The following KIAA1217 variants were observed in gnomAD, a reference collection of about 807,000 sequenced individuals.
KIAA1217 encodes sickle tail protein homolog.
In KIAA1217, 88 loss-of-function variants were observed where a neutral mutation model predicts 163.9. That is an observed-to-expected ratio of 0.54 (90% CI 0.45 to 0.64). The LOEUF (loss-of-function observed/expected upper bound fraction) is 0.64, where lower values mean the gene tolerates loss of function less well. KIAA1217 is among the 30% of genes least tolerant of loss of function. KIAA1217 has a pLI of 0.00. For synonymous variants in KIAA1217, 903 were observed against 923.1 expected, an observed-to-expected ratio of 0.98 and a Z score of 0.39; for missense variants, 2,372 against 2,475.0, an observed-to-expected ratio of 0.96 and a Z score of 0.88.
chr10:24,404,566 CAAAAAAAAA>C (rs57209065), intron 3 of KIAA1217, among the ~76,000 whole-genome samples: 7 of 51,182 alleles, frequency 1.4e-4, no homozygotes, highest in Admixed American at 2.9e-4. Context: ...GACTCTGTCT[CAAAAAAAAA>C]AAAAAAAAAA....
chr10:24,127,552 C>A (rs575384575), intron 2 of KIAA1217, among the ~76,000 whole-genome samples: 1 of 152,248 alleles, frequency 6.6e-6, no homozygotes, highest in East Asian at 1.9e-4. Context: ...CGGTGTACAG[C>A]TTTGTAATCA....
chr10:24,305,612 T>A (rs1234276092), intron 2 of KIAA1217, among the ~76,000 whole-genome samples: 3 of 152,204 alleles, frequency 2.0e-5, no homozygotes, highest in Non-Finnish European at 4.4e-5. Context: ...ATAGTCAGCT[T>A]GAGCGGTTAG....
intron 1 of KIAA1217, among the ~76,000 whole-genome samples, chr10:23,935,427 C>G (rs768410429): frequency 1.6e-4 from 24 of 152,188 alleles, no homozygotes; most frequent in Non-Finnish European, 3.1e-4. Context: ...TGTATTTTGT[C>G]TGTACTCACT....
intron 1 of KIAA1217, among the ~76,000 whole-genome samples, chr10:23,991,618 T>A (rs1168974766): frequency 6.6e-6 from 1 of 152,192 alleles, no homozygotes; most frequent in East Asian, 1.9e-4. Context: ...TGTTCAGATA[T>A]CTACATAGAT....
At chr10:23,839,527 C>G (rs1838668488) in intron 1 of KIAA1217, among the ~76,000 whole-genome samples, 1 of 152,134 alleles carries the variant, frequency 6.6e-6, no homozygotes, top group Non-Finnish European at 1.5e-5. Flanking sequence ...CATGCAGCAG[C>G]CTGGGTTATT....
At chr10:24,224,874 T>C (rs912171839) in intron 2 of KIAA1217, among the ~76,000 whole-genome samples, 1 of 147,250 alleles carries the variant, frequency 6.8e-6, no homozygotes, top group Non-Finnish European at 1.5e-5. Context: ...TCACCCAGGC[T>C]GGAGTGCAGT....
At chr10:23,832,931 A>G (rs1425414568) in intron 1 of KIAA1217, among the ~76,000 whole-genome samples, 1 of 152,136 alleles carries the variant, frequency 6.6e-6, no homozygotes, top group African/African-American at 2.4e-5. Flanking sequence ...AAAACGTCCG[A>G]TCTCATGAGA....
intron 2 of KIAA1217, among the ~76,000 whole-genome samples, chr10:24,092,275 C>G (rs1589460335): frequency 1.3e-5 from 2 of 151,602 alleles, no homozygotes; most frequent in African/African-American, 4.9e-5. Context: ...ATATCCAACT[C>G]CTCACTTCCC....
At chr10:23,734,480 G>A (rs922360885) in intron 1 of KIAA1217, among the ~76,000 whole-genome samples, 26 of 151,668 alleles carry the variant, frequency 1.7e-4, no homozygotes, top group African/African-American at 6.3e-4. Context: ...CTGGAGACAG[G>A]ATTTCACCAG....
chr10:24,466,683 A>C, intron 5 of KIAA1217: 1 of 985,474 alleles, frequency 1.0e-6, no homozygotes, highest in South Asian at 4.7e-5. Context: ...TCAAGTGTGC[A>C]ACCAAGGATT....
intron 1 of KIAA1217, among the ~76,000 whole-genome samples, chr10:23,755,142 G>T (rs865936078): frequency 6.6e-6 from 1 of 152,144 alleles, no homozygotes; most frequent in Non-Finnish European, 1.5e-5. Context: ...AAGCCCAGCT[G>T]CCCCCAGCTG....
intron 1 of KIAA1217, among the ~76,000 whole-genome samples, chr10:23,865,610 T>TA (rs1840145538): frequency 6.6e-6 from 1 of 152,266 alleles, no homozygotes; most frequent in South Asian, 2.1e-4. Flanking sequence ...CCTTTTTTTT[T>TA]ATAGCTTTAG....
intron 2 of KIAA1217, among the ~76,000 whole-genome samples, chr10:24,103,921 A>G (rs1033760178): frequency 6.6e-6 from 1 of 152,186 alleles, no homozygotes. Flanking sequence ...ATAGACCAAC[A>G]CAAACATATT....
At chr10:24,293,392 A>G (rs1354584017) in intron 2 of KIAA1217, among the ~76,000 whole-genome samples, 1 of 152,108 alleles carries the variant, frequency 6.6e-6, no homozygotes, top group East Asian at 1.9e-4. Context: ...TTTAATGGCA[A>G]TAACCAAATG....
chr10:23,697,739 T>C (rs1029434203), intron 1 of KIAA1217, among the ~76,000 whole-genome samples: 1 of 151,306 alleles, frequency 6.6e-6, no homozygotes, highest in Non-Finnish European at 1.5e-5. Context: ...TTAGCTGGCA[T>C]GGTGATGTGC....
chr10:24,356,392 C>T (rs562172462), intron 2 of KIAA1217, among the ~76,000 whole-genome samples: 12 of 152,278 alleles, frequency 7.9e-5, no homozygotes, highest in Admixed American at 3.9e-4. Context: ...CAGGTCCTTC[C>T]CATGGGTATT....
intron 11 of KIAA1217, 29 bp downstream of exon 11, chr10:24,520,282 G>T (rs1465804431): frequency 6.2e-7 from 1 of 1,612,140 alleles, no homozygotes; most frequent in Non-Finnish European, 8.5e-7. Flanking sequence ...CGGGGGAGGA[G>T]TCTGAGCTGT....
In KIAA1217 at chr10:24,214,540, A is replaced by G. The variant is rs573075823; in HGVS notation, c.71-5086A>G. Among the ~76,000 whole-genome samples, 3 of 152,298 alleles carry G rather than the reference A, an allele frequency of 2.0e-5. No individual in the cohort carries two copies. The South Asian group carries it at 6.2e-4, about 32-fold the overall frequency. ...GGCCCACATGGCTTCTGCCCACAAT[A>G]CATTGACTGGAATTAGTACAAGGAC... On this transcript the variant is annotated intron_variant, in intron 1 of 20. Transcript: ENST00000376454.
intron 2 of KIAA1217, among the ~76,000 whole-genome samples, chr10:24,073,167 A>C (rs1209001329): frequency 6.6e-6 from 1 of 152,196 alleles, no homozygotes; most frequent in African/African-American, 2.4e-5. Context: ...TACTCAGCTC[A>C]GGCCTGAATT....
Sources: allele counts gnomAD v4.1 joint callset (sites outside exome capture counted in the v4.1 genomes callset), GRCh38; gene constraint gnomAD v4.1.1; transcripts MANE v1.5; gene names NCBI Gene and HGNC (gene_info 2026-07-23, HGNC 2026-07-21).